Variants in GPR158 observed in about 807,000 individuals in gnomAD.
The protein encoded by GPR158 is metabotropic glycine receptor.
A neutral mutation model predicts 78.2 loss-of-function variants in GPR158; 30 were observed. The ratio of observed to expected loss-of-function variants is 0.38; its 90% CI spans 0.29 to 0.52. The LOEUF (loss-of-function observed/expected upper bound fraction) is 0.52. GPR158 is among the 20% of genes least tolerant of loss of function. The pLI is 0.83. For missense variants in GPR158, 1,463 were observed against 1,523.5 expected (o/e 0.96, Z 0.66); for synonymous variants, 581 against 591.1 (o/e 0.98, Z 0.25).
At chr10:25,254,109 A>T (rs1853855828) in intron 2 of GPR158, among the ~76,000 whole-genome samples, 1 of 152,198 alleles carries the variant, frequency 6.6e-6, no homozygotes, top group Admixed American at 6.5e-5. Flanking sequence ...AAGAAATGTT[A>T]TCGGTTTTTA....
chr10:25,329,814 G>A lies in GPR158; in HGVS notation c.1009-66097G>A, dbSNP rs571088329. On this transcript the variant is annotated intron_variant, in intron 2 of 10. Transcript: ENST00000376351. The stretch of plus-strand genomic sequence containing the variant: ...TGTTTTGTCACTAGGTTACGATGGC[G>A]TCATCAAATATTTTTATCGTAAGCG... Among the ~76,000 whole-genome samples the A allele has an allele frequency of 3.3e-3, 501 of 152,004 alleles. 2 individuals are homozygous for A. Among genetic ancestry groups the A allele is most frequent in the African/African-American group, 0.011 (461 of 41,392 alleles).
intron 2 of GPR158, among the ~76,000 whole-genome samples, chr10:25,363,839 G>T (rs111651234): frequency 0.021 from 3,196 of 151,896 alleles, 116 homozygotes; most frequent in African/African-American, 0.073. Context: ...AGGGTCCATG[G>T]CAACTGAAAA....
chr10:25,469,627 A>G (rs1835468430), intron 5 of GPR158, among the ~76,000 whole-genome samples: 1 of 151,812 alleles, frequency 6.6e-6, no homozygotes, highest in Non-Finnish European at 1.5e-5. Flanking sequence ...TACTGAAAAT[A>G]CAAAAAATTA....
chr10:25,266,344 C>T (rs1374609281), intron 2 of GPR158, among the ~76,000 whole-genome samples: 1 of 152,074 alleles, frequency 6.6e-6, no homozygotes, highest in Non-Finnish European at 1.5e-5. Flanking sequence ...AGGACATAAC[C>T]AGTACATAGA....
intron 5 of GPR158, among the ~76,000 whole-genome samples, chr10:25,539,993 A>G (rs1179216521): frequency 2.6e-5 from 4 of 152,200 alleles, no homozygotes; most frequent in Non-Finnish European, 5.9e-5. Flanking sequence ...AGAAACTACC[A>G]TCAGAGTGAA....
At chr10:25,524,530 A>G (rs139157315) in intron 5 of GPR158, among the ~76,000 whole-genome samples, 49 of 152,336 alleles carry the variant, frequency 3.2e-4, no homozygotes, top group African/African-American at 1.1e-3. Flanking sequence ...AGAATGTTCA[A>G]TGGGGAAAGA....
intron 2 of GPR158, among the ~76,000 whole-genome samples, chr10:25,247,306 TTTTTTTTTTTC>T (rs1221248164): frequency 8.9e-6 from 1 of 111,810 alleles, no homozygotes; most frequent in African/African-American, 3.3e-5. Context: ...CAATTTATTC[TTTTTTTTTTTC>T]TTTTTTTTTT....
intron 2 of GPR158, among the ~76,000 whole-genome samples, chr10:25,223,081 G>C (rs1853322586): frequency 6.6e-6 from 1 of 152,166 alleles, no homozygotes; most frequent in African/African-American, 2.4e-5. Flanking sequence ...GTTATTTCAA[G>C]ATAAAATATC....
intron 3 of GPR158, among the ~76,000 whole-genome samples, chr10:25,408,507 C>G (rs1485922155): frequency 2.0e-5 from 3 of 152,204 alleles, no homozygotes; most frequent in East Asian, 3.9e-4. Flanking sequence ...TTTATCGTCT[C>G]CTATTCTACA....
chr10:25,484,209 C>A (rs1835702672), intron 5 of GPR158, among the ~76,000 whole-genome samples: 1 of 152,188 alleles, frequency 6.6e-6, no homozygotes, highest in Admixed American at 6.5e-5. Flanking sequence ...GGCACACACA[C>A]CCTGCAGCCT....
At chr10:25,486,064 TG>T (rs1279789964) in intron 5 of GPR158, among the ~76,000 whole-genome samples, 1 of 152,146 alleles carries the variant, frequency 6.6e-6, no homozygotes, top group Non-Finnish European at 1.5e-5. Context: ...ATGGATCCCT[TG>T]ATCTTCCCAG....
intron 5 of GPR158, among the ~76,000 whole-genome samples, chr10:25,536,904 A>T (rs2130699102): frequency 6.6e-6 from 1 of 152,280 alleles, no homozygotes; most frequent in South Asian, 2.1e-4. Flanking sequence ...AAACCTACTG[A>T]AGCACACTTT....
intron 7 of GPR158, among the ~76,000 whole-genome samples, chr10:25,578,357 C>G (rs1388275121): frequency 6.6e-6 from 1 of 152,160 alleles, no homozygotes; most frequent in Non-Finnish European, 1.5e-5. Flanking sequence ...CTGTCTTTAT[C>G]TTGTGATATT....
Position 25,435,397 on chromosome 10 carries a change from C to T in GPR158, c.1335+22924C>T, listed in dbSNP as rs115394445. On this transcript the variant is annotated intron_variant, in intron 4 of 10. Coordinates refer to ENST00000376351, the MANE Select transcript of GPR158 (RefSeq NM_020752.3). Reference sequence around the variant, plus strand: ...ATTTCTCTGAGGTCCTGGCATTTAACCTGTGCCCTCAAGGATAACCAGGAG... The same window carrying T: ...ATTTCTCTGAGGTCCTGGCATTTAATCTGTGCCCTCAAGGATAACCAGGAG... Among the ~76,000 whole-genome samples, 823 of 152,154 alleles carry T rather than the reference C, an allele frequency of 5.4e-3. 8 individuals are homozygous for T. Among genetic ancestry groups the T allele is most frequent in the African/African-American group, 0.019 (783 of 41,518 alleles).
intron 1 of GPR158, among the ~76,000 whole-genome samples, chr10:25,181,160 A>T (rs1852607069): frequency 6.6e-6 from 1 of 152,138 alleles, no homozygotes; most frequent in Non-Finnish European, 1.5e-5. Context: ...AATGATGAGT[A>T]GGCTTACCTA....
intron 2 of GPR158, among the ~76,000 whole-genome samples, chr10:25,290,829 A>T (rs976220314): frequency 6.6e-6 from 1 of 152,088 alleles, no homozygotes; most frequent in Non-Finnish European, 1.5e-5. Context: ...TCAAATATTT[A>T]ATTAAAACCT....
At chr10:25,541,994 A>T (rs1381926913) in intron 5 of GPR158, among the ~76,000 whole-genome samples, 2 of 145,378 alleles carry the variant, frequency 1.4e-5, no homozygotes, top group African/African-American at 5.1e-5. Context: ...ATATATTATA[A>T]ATTATAAATT....
At chr10:25,593,251 C>A (rs1837364232) in intron 8 of GPR158, among the ~76,000 whole-genome samples, 1 of 151,956 alleles carries the variant, frequency 6.6e-6, no homozygotes, top group Admixed American at 6.6e-5. Flanking sequence ...AAGAAATCAT[C>A]TTGATGACAA....
chr10:25,245,338 G>A (rs1213119559), intron 2 of GPR158, among the ~76,000 whole-genome samples: 3 of 152,284 alleles, frequency 2.0e-5, no homozygotes, highest in African/African-American at 7.2e-5. Context: ...AAATCCTATG[G>A]TGAGTCATAG....
Sources: gnomAD v4.1 joint callset for allele counts (sites outside exome capture counted in the v4.1 genomes callset) on GRCh38, gnomAD v4.1.1 for gene constraint, MANE v1.5 for transcripts, NCBI Gene and HGNC (gene_info 2026-07-23, HGNC 2026-07-21) for gene names.